The following AXDND1 variants were observed in gnomAD, a reference collection of about 807,000 sequenced individuals.
AXDND1 encodes the protein axonemal dynein light chain domain-containing protein 1.
In AXDND1, 110 loss-of-function variants were observed where a neutral mutation model predicts 137.5. The ratio of observed to expected loss-of-function variants is 0.80; its 90% CI spans 0.69 to 0.94. AXDND1 has a LOEUF of 0.94. AXDND1 is among the 40% of genes least tolerant of loss of function. AXDND1 has a pLI of 0.00. For missense variants in AXDND1, 1,191 were observed against 1,169.8 expected (o/e 1.02, Z -0.26); for synonymous variants, 414 against 399.7 (o/e 1.04, Z -0.43).
Position 179,417,949 on chromosome 1 carries a change from A to G in AXDND1, c.1230+6683A>G, listed in dbSNP as rs373482518. On this transcript the variant is annotated intron_variant, in intron 12 of 25. Transcript: ENST00000367618. Reference sequence around the variant, plus strand: ...TTTCCAAATTTAGGTATTTTATATTATTTATTGCTATTTTATTTTTATTTA... The same window carrying G: ...TTTCCAAATTTAGGTATTTTATATTGTTTATTGCTATTTTATTTTTATTTA... 2.0e-5 allele frequency among the ~76,000 whole-genome samples: 3 copies of G among 150,636 alleles called. No homozygotes were observed. In the South Asian group the frequency reaches 6.2e-4, roughly 31 times the overall value.
chr1:179,396,666 A>C (rs547473700), intron 11 of AXDND1, among the ~76,000 whole-genome samples: 5 of 152,254 alleles, frequency 3.3e-5, no homozygotes, highest in East Asian at 1.9e-4. Context: ...AAAAAAAAAA[A>C]AACTTGCTTT....
intron 20 of AXDND1, among the ~76,000 whole-genome samples, chr1:179,503,063 C>T (rs556860893): frequency 6.4e-4 from 95 of 147,538 alleles, no homozygotes; most frequent in Non-Finnish European, 8.9e-4. Flanking sequence ...CCATTGCATT[C>T]TAGCCTGGGC....
chr1:179,447,820 A>C (rs1449583614), intron 16 of AXDND1: 5 of 1,292,352 alleles, frequency 3.9e-6, no homozygotes, highest in Non-Finnish European at 5.6e-6. Context: ...TGGCACTGTG[A>C]AGTCTGTAGT....
chr1:179,537,108 T>G lies in AXDND1; in HGVS notation c.3031+2146T>G, dbSNP rs555280486. On this transcript the variant is annotated intron_variant, in intron 25 of 25. Transcript: ENST00000367618. ...GTTGCTTATCAGCTTAAGGAGATTT[T>G]GGGCTGAGATGATGAGGTTTTCTAA... Among the ~76,000 whole-genome samples, 6 of 152,356 alleles carry G rather than the reference T, an allele frequency of 3.9e-5. No individual in the cohort carries two copies. The South Asian group carries it at 1.2e-3, about 32-fold the overall frequency.
intron 25 of AXDND1, among the ~76,000 whole-genome samples, chr1:179,536,927 C>T (rs1386529528): frequency 6.6e-6 from 1 of 152,206 alleles, no homozygotes; most frequent in Non-Finnish European, 1.5e-5. Context: ...AGGTTCTTCA[C>T]ATCCCTTGTA....
intron 20 of AXDND1, among the ~76,000 whole-genome samples, chr1:179,507,098 C>T (rs1319469606): frequency 1.3e-5 from 2 of 152,162 alleles, no homozygotes; most frequent in Non-Finnish European, 2.9e-5. Flanking sequence ...TCACTTGCTT[C>T]TTAAATACTC....
chr1:179,496,829 C>T (rs1157725815), intron 20 of AXDND1, among the ~76,000 whole-genome samples: 1 of 152,028 alleles, frequency 6.6e-6, no homozygotes, highest in East Asian at 1.9e-4. Context: ...CCCCATACCC[C>T]CGTAGGCATT....
chr1:179,382,852 T>C (rs921669988), intron 7 of AXDND1, 96 bp downstream of exon 7: 1 of 975,240 alleles, frequency 1.0e-6, no homozygotes, highest in Non-Finnish European at 1.5e-6. Flanking sequence ...ATTAAAATTA[T>C]AGCAGCAACC....
At chr1:179,551,804 T>G (rs1401977765) in intron 25 of AXDND1, 1 of 286,624 alleles carries the variant, frequency 3.5e-6, no homozygotes, top group South Asian at 4.4e-5. Context: ...GACCCCCAAC[T>G]CAGGGAAAGT....
rs34143446 is a variant in AXDND1, at chr1:179,466,270, TTTCTTC to T, written c.1799-2161_1799-2156del. 2.3e-3 allele frequency among the ~76,000 whole-genome samples: 285 copies of T among 124,274 alleles called. 7 individuals are homozygous for T. The highest frequency in any genetic ancestry group is 4.5e-3 in the Middle Eastern group (1 of 220). 81.5% of individuals were successfully genotyped at this position (124,274 alleles called of 152,430 possible). On this transcript the variant is annotated intron_variant, in intron 16 of 25. Transcript: ENST00000367618. ...GGAACCTCCTCTTTTCTTTTCTTTC[TTTCTTC>T]TTCTTCTTCTTTTTTTTTTTTTTTT...
chr1:179,481,898 G>A (rs76977439), intron 17 of AXDND1, among the ~76,000 whole-genome samples: 4,517 of 152,174 alleles, frequency 0.03, 250 homozygotes, highest in African/African-American at 0.1. Flanking sequence ...CTGAACTCAA[G>A]TGGCCTTCTT....
intron 18 of AXDND1, among the ~76,000 whole-genome samples, chr1:179,487,995 C>CAAAAAAAA (rs71114524): frequency 1.4e-4 from 14 of 101,522 alleles, no homozygotes; most frequent in African/African-American, 5.9e-4. Context: ...GACCATGTCT[C>CAAAAAAAA]AAAAAAAAAA....
chr1:179,512,843 C>T (rs980769918), intron 21 of AXDND1, among the ~76,000 whole-genome samples: 1 of 151,990 alleles, frequency 6.6e-6, no homozygotes, highest in Non-Finnish European at 1.5e-5. Flanking sequence ...GGGTTGAGTT[C>T]TTGATTTGAC....
chr1:179,368,844 A>G lies in AXDND1; in HGVS notation c.142A>G (p.Lys48Glu), dbSNP rs1237107799. Residue 48 changes from lysine (K) to glutamate (E), a missense_variant, in exon 3 of 26, where the codon AAA (lysine) becomes GAA (glutamate). Physicochemically the swap from Lys to Glu is moderately conservative, Grantham distance 56. Transcript: ENST00000367618. Reference sequence around the variant, plus strand: ...GAAAAAAAATATGGTGGATCGTTCAAAACTCCTTCCTACTTCCCTTCAGAA... The same window carrying G: ...GAAAAAAAATATGGTGGATCGTTCAGAACTCCTTCCTACTTCCCTTCAGAA... ...KEKKNMVDRS[K>E]LLPTSLQNEF... 1 of 1,613,900 alleles carries G rather than the reference A, an allele frequency of 6.2e-7. No homozygotes were observed. Among genetic ancestry groups the G allele is most frequent in the East Asian group, 2.2e-5 (1 of 44,862 alleles).
chr1:179,387,715 A>C (rs1649459067), intron 9 of AXDND1, among the ~76,000 whole-genome samples: 1 of 152,170 alleles, frequency 6.6e-6, no homozygotes, highest in South Asian at 2.1e-4. Flanking sequence ...ATTTAGGGCT[A>C]ATTATTTCTG....
chr1:179,521,413 A>C (rs1222434232), intron 21 of AXDND1, among the ~76,000 whole-genome samples: 1 of 151,954 alleles, frequency 6.6e-6, no homozygotes, highest in Admixed American at 6.6e-5. Flanking sequence ...GGATAGTTTT[A>C]CCTCTTTCTT....
intron 20 of AXDND1, among the ~76,000 whole-genome samples, chr1:179,498,148 GA>G (rs1048576143): frequency 6.6e-6 from 1 of 151,884 alleles, no homozygotes; most frequent in Non-Finnish European, 1.5e-5. Context: ...CACAGAATTT[GA>G]AAAAAATATT....
intron 18 of AXDND1, among the ~76,000 whole-genome samples, chr1:179,484,238 G>A (rs1426161069): frequency 6.6e-6 from 1 of 152,202 alleles, no homozygotes; most frequent in Non-Finnish European, 1.5e-5. Context: ...TGCTTAGAGA[G>A]GTGGTAGGGG....
intron 15 of AXDND1, among the ~76,000 whole-genome samples, chr1:179,441,199 A>G (rs1247335523): frequency 6.6e-6 from 1 of 152,174 alleles, no homozygotes; most frequent in Admixed American, 6.5e-5. Context: ...TGATTGGCCC[A>G]TTGATTTCCT....
Sources: gnomAD v4.1 joint callset for allele counts (sites outside exome capture counted in the v4.1 genomes callset) on GRCh38, gnomAD v4.1.1 for gene constraint, MANE v1.5 for transcripts, NCBI Gene and HGNC (gene_info 2026-07-23, HGNC 2026-07-21) for gene names.